BLK: variants seen among roughly 807,000 people sequenced by gnomAD.
BLK encodes tyrosine-protein kinase Blk.
A neutral mutation model predicts 61.8 loss-of-function variants in BLK; 64 were observed. The ratio of observed to expected loss-of-function variants is 1.03; its 90% CI spans 0.85 to 1.27. The LOEUF is 1.27. Among genes scored for constraint, BLK ranks in the 50% most tolerant of loss-of-function variants. The probability of loss-of-function intolerance (pLI) is 0.00; values close to 1 mark genes in which losing one functional copy is unlikely to be tolerated. For missense variants in BLK, 853 were observed against 660.5 expected (o/e 1.29, Z -3.19); for synonymous variants, 351 against 272.0 (o/e 1.29, Z -2.86).
chr8:11,543,847 A>AG (rs1338219107), intron 2 of BLK, among the ~76,000 whole-genome samples: 2 of 152,250 alleles, frequency 1.3e-5, no homozygotes, highest in African/African-American at 2.4e-5. Flanking sequence ...GGAAAAAAAA[A>AG]GTGAAATTTC....
At chr8:11,549,002 C>G (rs749047583) in intron 4 of BLK, 22 bp from the exon 5 acceptor site, 134 of 1,590,062 alleles carry the variant, frequency 8.4e-5, no homozygotes, top group Non-Finnish European at 1.0e-4. Context: ...GATCTCATCT[C>G]TGTTTCCCCT....
At chr8:11,561,053 G>T in intron 10 of BLK, 2 of 663,864 alleles carry the variant, frequency 3.0e-6, no homozygotes, top group South Asian at 3.0e-5. Flanking sequence ...GCTGTGTGGA[G>T]CGAGAACGAG....
chr8:11,551,266 G>A (rs914150258), intron 6 of BLK, among the ~76,000 whole-genome samples: 3 of 152,166 alleles, frequency 2.0e-5, no homozygotes, highest in Admixed American at 6.5e-5. Flanking sequence ...TTATCTCACA[G>A]CTCTGGAGGC....
intron 1 of BLK, among the ~76,000 whole-genome samples, chr8:11,517,621 G>A (rs1051168283): frequency 9.2e-5 from 14 of 152,250 alleles, no homozygotes; most frequent in Non-Finnish European, 2.1e-4. Context: ...TTTCTCAGGT[G>A]TGTGGGAGGA....
At position 11,554,525 on chromosome 8, in the gene BLK, G is replaced by A. The variant is rs536627764; in HGVS notation, c.473-218G>A. On this transcript the variant is annotated intron_variant, in intron 6 of 12. Coordinates refer to ENST00000259089, the MANE Select transcript of BLK (RefSeq NM_001715.3). ...CCCTGGCTGAGTTTTGCAGGATAGT[G>A]GGGGGATGCCAAGGTCAGAGTCAGA... Among the ~76,000 whole-genome samples the A allele has an allele frequency of 1.4e-3, 212 of 152,284 alleles. 2 individuals are homozygous for A. Among genetic ancestry groups the A allele is most frequent in the Non-Finnish European group, 2.5e-3 (173 of 68,018 alleles).
At chr8:11,510,421 A>G (rs186837148) in intron 1 of BLK, among the ~76,000 whole-genome samples, 48 of 152,266 alleles carry the variant, frequency 3.2e-4, no homozygotes, top group Admixed American at 3.1e-3. Flanking sequence ...CATTTGTCCC[A>G]TCATCTAAAC....
intron 1 of BLK, among the ~76,000 whole-genome samples, chr8:11,507,347 G>C (rs1318623477): frequency 6.6e-6 from 1 of 152,194 alleles, no homozygotes; most frequent in Non-Finnish European, 1.5e-5. Context: ...CCCTGGGAGT[G>C]GTCCTGGATT....
At chr8:11,545,456 C>T (rs528612696) in intron 2 of BLK, among the ~76,000 whole-genome samples, 4 of 152,052 alleles carry the variant, frequency 2.6e-5, no homozygotes, top group South Asian at 4.2e-4. Context: ...GGCTGAGGCA[C>T]GAGAATTGCT....
chr8:11,498,686 T>A (rs771354520), intron 1 of BLK, among the ~76,000 whole-genome samples: 1 of 152,196 alleles, frequency 6.6e-6, no homozygotes, highest in Non-Finnish European at 1.5e-5. Flanking sequence ...CTGTGTGCCT[T>A]CCTGAGATGA....
intron 1 of BLK, among the ~76,000 whole-genome samples, chr8:11,532,825 G>A (rs973787707): frequency 1.3e-5 from 2 of 152,214 alleles, no homozygotes; most frequent in Non-Finnish European, 2.9e-5. Flanking sequence ...AGTGAGCGCT[G>A]AATATTATCG....
At chr8:11,518,323 C>A (rs753866726) in intron 1 of BLK, among the ~76,000 whole-genome samples, 1 of 152,192 alleles carries the variant, frequency 6.6e-6, no homozygotes, top group Non-Finnish European at 1.5e-5. Flanking sequence ...TACGCACTTT[C>A]GTGTGAGTTT....
intron 1 of BLK, among the ~76,000 whole-genome samples, chr8:11,516,287 C>T (rs1397534660): frequency 6.6e-6 from 1 of 152,202 alleles, no homozygotes; most frequent in African/African-American, 2.4e-5. Context: ...TAACAAAGAA[C>T]AGAAAGCCCG....
At chr8:11,513,930 C>T (rs76761989) in intron 1 of BLK, among the ~76,000 whole-genome samples, 1 of 152,170 alleles carries the variant, frequency 6.6e-6, no homozygotes, top group Non-Finnish European at 1.5e-5. Flanking sequence ...AAGCCTGCAC[C>T]TTGGAAATAA....
At chr8:11,536,623 G>C (rs961890833) in intron 1 of BLK, among the ~76,000 whole-genome samples, 1 of 152,082 alleles carries the variant, frequency 6.6e-6, no homozygotes, top group Non-Finnish European at 1.5e-5. Flanking sequence ...GGCCAGGTTG[G>C]TCTCAAACCC....
chr8:11,498,720 C>G (rs1030055935), intron 1 of BLK, among the ~76,000 whole-genome samples: 1 of 152,146 alleles, frequency 6.6e-6, no homozygotes, highest in Non-Finnish European at 1.5e-5. Flanking sequence ...CCACTGTATA[C>G]GAGCAGCCTT....
At chr8:11,523,927 T>C (rs1799550496) in intron 1 of BLK, among the ~76,000 whole-genome samples, 1 of 152,124 alleles carries the variant, frequency 6.6e-6, no homozygotes, top group African/African-American at 2.4e-5. Flanking sequence ...AAACCAGTCT[T>C]ACCTTTATAA....
chr8:11,532,161 GTT>G (rs1275626402), intron 1 of BLK, among the ~76,000 whole-genome samples: 1 of 122,480 alleles, frequency 8.2e-6, no homozygotes, highest in Non-Finnish European at 1.8e-5. Context: ...ACCTGGTCAT[GTT>G]TTTTTTTCCT....
chr8:11,542,159 C>T (rs1321180025), intron 1 of BLK, among the ~76,000 whole-genome samples: 1 of 152,126 alleles, frequency 6.6e-6, no homozygotes, highest in Non-Finnish European at 1.5e-5. Context: ...GAAGACGCCA[C>T]TGATAGGAAG....
chr8:11,538,573 A>G (rs536372705), intron 1 of BLK, among the ~76,000 whole-genome samples: 2 of 152,336 alleles, frequency 1.3e-5, no homozygotes, highest in East Asian at 1.9e-4. Context: ...TGAACAACCA[A>G]TGTTCAATTA....
Sources: allele counts gnomAD v4.1 joint callset (sites outside exome capture counted in the v4.1 genomes callset), GRCh38; gene constraint gnomAD v4.1.1; transcripts MANE v1.5; gene names NCBI Gene and HGNC (gene_info 2026-07-23, HGNC 2026-07-21).